SCUBE1: variants seen among roughly 807,000 people sequenced by gnomAD.
The protein encoded by SCUBE1 is signal peptide, CUB and EGF-like domain-containing protein 1.
A neutral mutation model predicts 124.4 loss-of-function variants in SCUBE1; 59 were observed. The ratio of observed to expected loss-of-function variants is 0.47; its 90% confidence interval spans 0.38 to 0.59. The LOEUF (loss-of-function observed/expected upper bound fraction) is 0.59, where lower values mean the gene tolerates loss of function less well. Among genes scored for constraint, SCUBE1 ranks in the 20% least tolerant of loss-of-function variants. The pLI is 0.00. For missense variants in SCUBE1, 1,150 were observed against 1,371.2 expected, an observed-to-expected ratio of 0.84 and a Z score of 2.55; for synonymous variants, 545 against 550.9, an observed-to-expected ratio of 0.99 and a Z score of 0.15.
chr22:43,335,939 G>T (rs1927063137), intron 2 of SCUBE1, among the ~76,000 whole-genome samples: 1 of 151,844 alleles, frequency 6.6e-6, no homozygotes, highest in African/African-American at 2.4e-5. Flanking sequence ...TGATGATGAT[G>T]GTGATGAAGA....
At chr22:43,205,157 C>T (rs1601790046) in intron 21 of SCUBE1, among the ~76,000 whole-genome samples, 2 of 152,128 alleles carry the variant, frequency 1.3e-5, no homozygotes, top group South Asian at 2.1e-4. Flanking sequence ...AGAGAGGTCA[C>T]GATGCCTCTT....
chr22:43,226,949 C>T (rs115756328), intron 10 of SCUBE1, among the ~76,000 whole-genome samples: 1,724 of 152,264 alleles, frequency 0.011, 36 homozygotes, highest in African/African-American at 0.04. Context: ...CTGCTGCACC[C>T]CGAGTGACCC....
At chr22:43,296,741 G>A (rs545665124) in intron 3 of SCUBE1, among the ~76,000 whole-genome samples, 98 of 151,958 alleles carry the variant, frequency 6.4e-4, no homozygotes, top group South Asian at 3.1e-3. Context: ...CCATCGAACC[G>A]CCGGAGCCCT....
At chr22:43,279,732 G>A (rs117096500) in intron 4 of SCUBE1, among the ~76,000 whole-genome samples, 2,913 of 152,280 alleles carry the variant, frequency 0.019, 161 homozygotes, top group East Asian at 0.11. Flanking sequence ...AGCCCTCCAC[G>A]CACTGTCTGG....
intron 17 of SCUBE1, 137 bp downstream of exon 17, chr22:43,212,288 C>T: frequency 1.0e-6 from 1 of 987,282 alleles, no homozygotes; most frequent in Non-Finnish European, 1.5e-6. Context: ...CACGCCCACG[C>T]CTGACAGCTC....
chr22:43,250,479 C>T (rs1923397198), intron 6 of SCUBE1, among the ~76,000 whole-genome samples: 1 of 152,210 alleles, frequency 6.6e-6, no homozygotes, highest in South Asian at 2.1e-4. Flanking sequence ...GCTCTGACCT[C>T]CATAAGCATC....
chr22:43,251,652 G>A (rs922905524), intron 6 of SCUBE1, among the ~76,000 whole-genome samples: 2 of 152,144 alleles, frequency 1.3e-5, no homozygotes, highest in Non-Finnish European at 2.9e-5. Flanking sequence ...TCTAGAAGCT[G>A]GAAAGGCAAG....
chr22:43,280,728 ACCTTCCTCCTCGGCCACCCTCC>A (rs1473933954), intron 4 of SCUBE1, among the ~76,000 whole-genome samples: 3 of 145,644 alleles, frequency 2.1e-5, no homozygotes, highest in Non-Finnish European at 3.0e-5. Flanking sequence ...CCCTCCTGTC[ACCTTCCTCCTCGGCCACCCTCC>A]TGTCACCTCC....
intron 3 of SCUBE1, among the ~76,000 whole-genome samples, chr22:43,305,836 C>T (rs1297670157): frequency 6.6e-6 from 1 of 152,178 alleles, no homozygotes; most frequent in African/African-American, 2.4e-5. Context: ...TTACTAAAGA[C>T]CCCAGGCCAA....
intron 4 of SCUBE1, among the ~76,000 whole-genome samples, chr22:43,269,821 G>C (rs968663914): frequency 2.6e-5 from 4 of 152,184 alleles, no homozygotes; most frequent in Admixed American, 6.5e-5. Context: ...AACGTTGAAG[G>C]GGGGTGAAGG....
chr22:43,243,927 T>C (rs1279917106), intron 6 of SCUBE1, among the ~76,000 whole-genome samples: 2 of 152,216 alleles, frequency 1.3e-5, no homozygotes, highest in African/African-American at 4.8e-5. Context: ...GCTAATTCAT[T>C]CAATGATTAT....
chr22:43,244,594 G>A (rs955806727), intron 6 of SCUBE1, among the ~76,000 whole-genome samples: 14 of 152,366 alleles, frequency 9.2e-5, no homozygotes, highest in Admixed American at 3.3e-4. Flanking sequence ...GTGTGGTGCT[G>A]CGCTGTGCAG....
At chr22:43,275,578 T>A (rs553196573) in intron 4 of SCUBE1, among the ~76,000 whole-genome samples, 1 of 151,874 alleles carries the variant, frequency 6.6e-6, no homozygotes, top group Non-Finnish European at 1.5e-5. Flanking sequence ...AACACATGAG[T>A]GCAAGTAAAG....
intron 6 of SCUBE1, among the ~76,000 whole-genome samples, chr22:43,242,828 G>C (rs1923060487): frequency 6.6e-6 from 1 of 152,212 alleles, no homozygotes; most frequent in Non-Finnish European, 1.5e-5. Flanking sequence ...GAACAATACA[G>C]CCCTTTGTAG....
At chr22:43,286,481 C>A (rs1055135385) in intron 4 of SCUBE1, among the ~76,000 whole-genome samples, 2 of 152,254 alleles carry the variant, frequency 1.3e-5, no homozygotes, top group African/African-American at 4.8e-5. Context: ...GCATGGAGGG[C>A]CAGTGGCATC....
chr22:43,227,810 G>A (rs748383536), intron 9 of SCUBE1, among the ~76,000 whole-genome samples: 11 of 152,204 alleles, frequency 7.2e-5, no homozygotes, highest in Non-Finnish European at 1.6e-4. Context: ...TTGTGGCGCA[G>A]GGAATGAGCA....
intron 3 of SCUBE1, among the ~76,000 whole-genome samples, chr22:43,317,442 C>T (rs748455069): frequency 2.6e-5 from 4 of 152,288 alleles, no homozygotes; most frequent in Non-Finnish European, 4.4e-5. Context: ...GCCTTTTTCT[C>T]GGCCATCTGG....
intron 6 of SCUBE1, among the ~76,000 whole-genome samples, chr22:43,242,758 T>C (rs993874554): frequency 6.6e-6 from 1 of 152,190 alleles, no homozygotes; most frequent in African/African-American, 2.4e-5. Flanking sequence ...CCCCAGCCTG[T>C]AGACAAAAGC....
chr22:43,229,258 C>T lies in SCUBE1; in HGVS notation c.968-70G>A, dbSNP rs192621146. The stretch of plus-strand genomic sequence containing the variant: ...AGTGGTGGGTGGGCACGGCCTGTCA[C>T]TCTCAGTCACTCAAGGCACATCTGT... On this transcript the variant is annotated intron_variant, in intron 8 of 21. Coordinates refer to ENST00000360835, the MANE Select transcript of SCUBE1 (RefSeq NM_173050.5). 2.2e-4 allele frequency: 228 copies of T among 1,022,188 alleles called. No homozygotes were observed. The African/African-American group carries it at 3.2e-3, about 15-fold the overall frequency. The allele number at this position is 1,022,188 out of a possible 1,614,324, so 63.3% of individuals were successfully genotyped here. A position where few individuals can be genotyped will look rare whatever the true frequency, so the allele number is the denominator to read the frequency against.
Sources: allele counts gnomAD v4.1 joint callset (sites outside exome capture counted in the v4.1 genomes callset), GRCh38; gene constraint gnomAD v4.1.1; transcripts MANE v1.5; gene names NCBI Gene and HGNC (gene_info 2026-07-23, HGNC 2026-07-21).